The following COL10A1 variants were observed in gnomAD, a reference collection of about 807,000 sequenced individuals.
The protein encoded by COL10A1 is collagen type X alpha 1 chain.
Under a neutral mutation model 18.2 loss-of-function variants are expected in COL10A1, and 10 were observed. The ratio of observed to expected loss-of-function variants is 0.55; its 90% CI spans 0.34 to 0.93. COL10A1 has a LOEUF of 0.93. Among genes scored for constraint, COL10A1 ranks in the 40% least tolerant of loss-of-function variants. The pLI is 0.02. For synonymous variants in COL10A1, 330 were observed against 316.6 expected, an observed-to-expected ratio of 1.04 and a Z score of -0.45; for missense variants, 897 against 853.5, an observed-to-expected ratio of 1.05 and a Z score of -0.64.
At chr6:116,157,753 G>T (rs1310924026) in intron 1 of COL10A1, among the ~76,000 whole-genome samples, 1 of 152,086 alleles carries the variant, frequency 6.6e-6, no homozygotes, top group Non-Finnish European at 1.5e-5. Context: ...AAAGATGAAA[G>T]GCACTTCACT....
chr6:116,163,894 G>A, the COL10A1 span, among the ~76,000 whole-genome samples: 19 of 152,018 alleles, frequency 1.2e-4, no homozygotes, highest in Non-Finnish European at 2.2e-4. Flanking sequence ...TTCCATTTAC[G>A]TATGTGGTTT....
the COL10A1 span, among the ~76,000 whole-genome samples, chr6:116,177,278 T>C: frequency 5.9e-5 from 9 of 152,220 alleles, no homozygotes; most frequent in Admixed American, 5.2e-4. Context: ...CATGACATAC[T>C]TTTCAATTAA....
At chr6:116,127,730 TATATATGGTG>T (rs1377158304), upstream of COL10A1, among the ~76,000 whole-genome samples, 1 of 152,150 alleles carries the variant, frequency 6.6e-6, no homozygotes, top group Non-Finnish European at 1.5e-5. Context: ...ATTTTGTGTG[TATATATGGTG>T]ATACACATGC....
chr6:116,188,356 T>A, the COL10A1 span, among the ~76,000 whole-genome samples: 12 of 152,088 alleles, frequency 7.9e-5, no homozygotes, highest in Non-Finnish European at 1.8e-4. Context: ...CCATCCAGAA[T>A]GTTCTTAGTG....
At chr6:116,186,030 A>G in the COL10A1 span, among the ~76,000 whole-genome samples, 1 of 151,876 alleles carries the variant, frequency 6.6e-6, no homozygotes, top group African/African-American at 2.4e-5. Flanking sequence ...CAAGATTTAG[A>G]GCTTCTTATA....
chr6:116,148,746 A>G (rs188603195), intron 1 of COL10A1, among the ~76,000 whole-genome samples: 26 of 152,314 alleles, frequency 1.7e-4, no homozygotes, highest in Admixed American at 1.6e-3. Context: ...TGAGCAAAAT[A>G]CTGTTTATTA....
chr6:116,149,894 G>A (rs114867548), intron 1 of COL10A1, among the ~76,000 whole-genome samples: 1,683 of 152,292 alleles, frequency 0.011, 20 homozygotes, highest in African/African-American at 0.032. Context: ...AGGACTTAAC[G>A]GCTTTTTATC....
the COL10A1 span, among the ~76,000 whole-genome samples, chr6:116,165,010 T>G: frequency 6.9e-6 from 1 of 144,730 alleles, no homozygotes; most frequent in African/African-American, 2.6e-5. Context: ...GGCAGGAGAA[T>G]GGCGTGAACC....
chr6:116,130,357 A>G (rs1457355768), upstream of COL10A1, among the ~76,000 whole-genome samples: 2 of 151,992 alleles, frequency 1.3e-5, no homozygotes, highest in African/African-American at 4.8e-5. Context: ...TATTAATCTT[A>G]CTATTGTTCA....
At chr6:116,167,686 A>G in the COL10A1 span, among the ~76,000 whole-genome samples, 1 of 152,132 alleles carries the variant, frequency 6.6e-6, no homozygotes, top group Non-Finnish European at 1.5e-5. Flanking sequence ...TTCATAGGCA[A>G]TGTTTCGGCT....
At chr6:116,128,237 C>T (rs1249947515), upstream of COL10A1, among the ~76,000 whole-genome samples, 1 of 152,100 alleles carries the variant, frequency 6.6e-6, no homozygotes, top group Non-Finnish European at 1.5e-5. Context: ...AAATAGTGTA[C>T]TTATTTCAGC....
chr6:116,134,425 G>A (rs1054478634), intron 1 of COL10A1, among the ~76,000 whole-genome samples: 10 of 152,120 alleles, frequency 6.6e-5, no homozygotes, highest in African/African-American at 1.9e-4. Context: ...TTTCCTGAAC[G>A]TAATTCAAGG....
At position 116,120,406 on chromosome 6, in the gene COL10A1, T is replaced by C. The variant is rs1383961722; in HGVS notation, c.1710A>G (p.Pro570=). 2 of 1,614,236 alleles carry C rather than the reference T, an allele frequency of 1.2e-6. No homozygotes were observed. The highest frequency in any genetic ancestry group is 1.7e-6 in the Non-Finnish European group (2 of 1,180,030). ...GCCTGTTATACAAAATTTTATCAAA[T>C]GGTATGGGAGTTCCTATTGCTGGGT... ...KAYPAIGTPI[P]FDKILYNRQQ... The change falls in exon 3 of 3, where the codon CCA becomes CCG. Residue 570 remains proline, a synonymous_variant. Transcript: ENST00000651968.
the COL10A1 span, among the ~76,000 whole-genome samples, chr6:116,186,201 A>G: frequency 2.6e-4 from 39 of 152,190 alleles, no homozygotes; most frequent in Non-Finnish European, 4.3e-4. Context: ...TAGGACCCCA[A>G]TGCTGTCTAG....
At chr6:116,135,310 A>G (rs1779560320) in intron 1 of COL10A1, among the ~76,000 whole-genome samples, 1 of 152,166 alleles carries the variant, frequency 6.6e-6, no homozygotes, top group Admixed American at 6.5e-5. Flanking sequence ...GGAGAATTGC[A>G]TCAATATCAT....
upstream of COL10A1, among the ~76,000 whole-genome samples, chr6:116,161,276 G>T (rs959916058): frequency 7.3e-5 from 11 of 151,568 alleles, no homozygotes; most frequent in Admixed American, 2.0e-4. Context: ...CACCAGCATG[G>T]CACATGTATA....
the COL10A1 span, among the ~76,000 whole-genome samples, chr6:116,196,919 T>C: frequency 1.3e-5 from 2 of 151,668 alleles, no homozygotes; most frequent in Non-Finnish European, 2.9e-5. Context: ...GTTGGAGATA[T>C]CCTCAAATGG....
At chr6:116,180,340 G>A in the COL10A1 span, among the ~76,000 whole-genome samples, 76,460 of 151,806 alleles carry the variant, frequency 0.5, 20,320 homozygotes, top group African/African-American at 0.68. Flanking sequence ...GTAACTCATT[G>A]GTGCAGGACA....
upstream of COL10A1, among the ~76,000 whole-genome samples, chr6:116,127,338 G>C (rs926155321): frequency 6.6e-6 from 1 of 152,028 alleles, no homozygotes; most frequent in Non-Finnish European, 1.5e-5. Context: ...AATGGATAAG[G>C]CATCTCATTG....
Sources: gnomAD v4.1 joint callset for allele counts (sites outside exome capture counted in the v4.1 genomes callset) on GRCh38, gnomAD v4.1.1 for gene constraint, MANE v1.5 for transcripts, NCBI Gene and HGNC (gene_info 2026-07-23, HGNC 2026-07-21) for gene names.